Variants in ZC3HC1 observed in about 807,000 individuals in gnomAD.
ZC3HC1 encodes zinc finger C3HC-type protein 1.
A neutral mutation model predicts 61.9 loss-of-function variants in ZC3HC1; 38 were observed. The observed-to-expected ratio is 0.61, with a 90% CI of 0.47 to 0.81. The LOEUF (loss-of-function observed/expected upper bound fraction) is 0.81. Among genes scored for constraint, ZC3HC1 ranks in the 30% least tolerant of loss-of-function variants. ZC3HC1 has a pLI of 0.00. For missense variants in ZC3HC1, 554 were observed against 622.7 expected, an observed-to-expected ratio of 0.89 and a Z score of 1.17; for synonymous variants, 213 against 229.9, an observed-to-expected ratio of 0.93 and a Z score of 0.67.
intron 5 of ZC3HC1, chr7:130,026,928 C>G (rs1267713613): frequency 6.7e-6 from 1 of 148,716 alleles, no homozygotes; most frequent in Non-Finnish European, 1.5e-5. Context: ...TGAGATTGCA[C>G]CACTGCACTC....
chr7:130,029,123 C>G (rs1368406223), intron 4 of ZC3HC1, 94 bp from the exon 5 acceptor site: 6 of 1,399,628 alleles, frequency 4.3e-6, no homozygotes, highest in Non-Finnish European at 5.7e-6. Flanking sequence ...GTAATCCCAG[C>G]ACTTTGGAAG....
Position 130,041,154 on chromosome 7 carries a change from A to ATGTGTGTG in ZC3HC1, c.259-61_259-54dup, listed in dbSNP as rs34409527. 1.5e-4 allele frequency: 184 copies of ATGTGTGTG among 1,207,312 alleles called. No homozygotes were observed. In the African/African-American group the frequency reaches 2.3e-3, roughly 15 times the overall value. 74.8% of individuals were successfully genotyped at this position (1,207,312 alleles called of 1,614,324 possible). ...CAAATATATATATATATGTGTGTGT[A>ATGTGTGTG]TGTGTGTGTGTGTGTGTGTGTGTAT... On this transcript the variant is annotated intron_variant, in intron 2 of 9. Coordinates refer to ENST00000358303, the MANE Select transcript of ZC3HC1 (RefSeq NM_016478.5).
chr7:130,031,253 G>A (rs1794173513), intron 4 of ZC3HC1, among the ~76,000 whole-genome samples: 1 of 150,198 alleles, frequency 6.7e-6, no homozygotes, highest in South Asian at 2.1e-4. Context: ...TTGAACCCGG[G>A]AGGCGGAGGT....
intron 9 of ZC3HC1, among the ~76,000 whole-genome samples, chr7:130,020,109 C>T (rs916572557): frequency 9.9e-5 from 15 of 152,026 alleles, no homozygotes; most frequent in African/African-American, 3.4e-4. Context: ...GCCACTGCGC[C>T]CGGCCCACTT....
In ZC3HC1 at chr7:130,040,182, T is replaced by TA. The variant is rs34814353; in HGVS notation, c.410-636dup. Among the ~76,000 whole-genome samples the TA allele has an allele frequency of 1.6e-3, 58 of 35,354 alleles. 2 individuals carry two copies. Among genetic ancestry groups the TA allele is most frequent in the Admixed American group, 5.6e-3 (11 of 1,980 alleles). 23.2% of individuals were successfully genotyped at this position (35,354 alleles called of 152,430 possible). A position where few individuals can be genotyped will look rare whatever the true frequency, so the allele number is the denominator to read the frequency against. On this transcript the variant is annotated intron_variant, in intron 3 of 9. Transcript: ENST00000358303. ...CCATGCTGCAGTAGCTAGCTTAGTT[T>TA]AAAAAAAAAAAAAAAAAAAAAAAAA...
At chr7:130,022,229 C>T in intron 9 of ZC3HC1, 90 bp downstream of exon 9, 1 of 1,503,636 alleles carries the variant, frequency 6.7e-7, no homozygotes, top group Non-Finnish European at 9.2e-7. Flanking sequence ...AAGCTGAAGG[C>T]AGGCGGGGTG....
chr7:130,035,389 C>CAAAAA (rs1418163522), intron 4 of ZC3HC1, among the ~76,000 whole-genome samples: 1 of 59,222 alleles, frequency 1.7e-5, no homozygotes, highest in Admixed American at 2.0e-4. Flanking sequence ...GAGACTGTCT[C>CAAAAA]AAAAAAAAAA....
At chr7:130,045,281 T>C in intron 2 of ZC3HC1, 1 of 234,890 alleles carries the variant, frequency 4.3e-6, no homozygotes, top group Non-Finnish European at 8.9e-6. Flanking sequence ...AAGTCTGTAA[T>C]TTAAAAATTT....
rs368425789 is a variant in ZC3HC1, at chr7:130,024,097, G to A, written c.1020+166C>T. 3.9e-5 allele frequency among the ~76,000 whole-genome samples: 6 copies of A among 152,206 alleles called. No homozygotes were observed. In the East Asian group the frequency reaches 9.6e-4, roughly 24 times the overall value. Reference sequence around the variant, plus strand: ...TCATAGGCGTGAGCCACCGGGTCTGGCTGAATTTAGCTTCCCCATTAGTGA... The same window carrying A: ...TCATAGGCGTGAGCCACCGGGTCTGACTGAATTTAGCTTCCCCATTAGTGA... On this transcript the variant is annotated intron_variant, in intron 7 of 9. Coordinates refer to ENST00000358303, the MANE Select transcript of ZC3HC1 (RefSeq NM_016478.5).
chr7:130,028,850 T>C, intron 5 of ZC3HC1, 52 bp downstream of exon 5: 1 of 1,590,604 alleles, frequency 6.3e-7, no homozygotes, highest in Non-Finnish European at 8.6e-7. Flanking sequence ...GCTTCAGGTA[T>C]AAATGCTGGC....
At chr7:130,025,665 A>G (rs1450267649) in intron 6 of ZC3HC1, among the ~76,000 whole-genome samples, 2 of 151,766 alleles carry the variant, frequency 1.3e-5, no homozygotes, top group Admixed American at 1.3e-4. Context: ...TCAGGAGATC[A>G]AGACCATCCT....
At chr7:130,032,779 A>AAGGAGGGAAGGGG (rs1563079492) in intron 4 of ZC3HC1, among the ~76,000 whole-genome samples, 2 of 74,362 alleles carry the variant, frequency 2.7e-5, no homozygotes, top group Admixed American at 2.0e-4. Context: ...GAGGGAAGGG[A>AAGGAGGGAAGGGG]GGGAGGGGAG....
intron 5 of ZC3HC1, 95 bp downstream of exon 5, chr7:130,028,807 C>T: frequency 6.7e-7 from 1 of 1,497,324 alleles, no homozygotes; most frequent in Non-Finnish European, 9.0e-7. Flanking sequence ...GTTCTCTTCA[C>T]AGCAATTGCA....
At chr7:130,022,186 C>CA in intron 9 of ZC3HC1, 133 bp downstream of exon 9, 1 of 1,204,180 alleles carries the variant, frequency 8.3e-7, no homozygotes, top group Non-Finnish European at 1.2e-6. Flanking sequence ...AACAAACAAA[C>CA]AAACAAAAAA....
intron 9 of ZC3HC1, among the ~76,000 whole-genome samples, chr7:130,020,342 G>A (rs1273006441): frequency 1.4e-5 from 2 of 146,998 alleles, no homozygotes; most frequent in Non-Finnish European, 3.0e-5. Context: ...GTGCGATCTC[G>A]GCTCACTGCA....
chr7:130,034,551 G>A (rs187641882), intron 4 of ZC3HC1, among the ~76,000 whole-genome samples: 4 of 150,042 alleles, frequency 2.7e-5, no homozygotes, highest in Non-Finnish European at 4.4e-5. Context: ...CTGGAAGGCA[G>A]TGACATGATT....
intron 4 of ZC3HC1, among the ~76,000 whole-genome samples, chr7:130,037,992 A>G (rs1250805362): frequency 6.6e-6 from 1 of 152,186 alleles, no homozygotes; most frequent in African/African-American, 2.4e-5. Context: ...AGGTCTTACT[A>G]TATTTATTGC....
At chr7:130,025,826 A>G (rs149889131) in intron 6 of ZC3HC1, among the ~76,000 whole-genome samples, 2,208 of 130,900 alleles carry the variant, frequency 0.017, 31 homozygotes, top group Middle Eastern at 0.025. Flanking sequence ...GAGATCGCGC[A>G]CGCCACTACC....
chr7:130,031,303 C>A, intron 4 of ZC3HC1, among the ~76,000 whole-genome samples: 1 of 119,830 alleles, frequency 8.3e-6, no homozygotes, highest in African/African-American at 3.1e-5. Context: ...CCAGCCTGGG[C>A]AACAGAGCAA....
Sources: allele counts gnomAD v4.1 joint callset (sites outside exome capture counted in the v4.1 genomes callset), GRCh38; gene constraint gnomAD v4.1.1; transcripts MANE v1.5; gene names NCBI Gene and HGNC (gene_info 2026-07-23, HGNC 2026-07-21).